Variants in CMTM4 observed in about 807,000 individuals in gnomAD.
CMTM4 encodes CKLF like MARVEL transmembrane domain containing 4, also known as CKLF-like MARVEL transmembrane domain-containing protein 4.
In CMTM4, 8 loss-of-function variants were observed where a neutral mutation model predicts 19.0. The ratio of observed to expected loss-of-function variants is 0.42; its 90% CI spans 0.25 to 0.76. CMTM4 has a LOEUF of 0.76. CMTM4 is among the 30% of genes least tolerant of loss of function. The pLI, the probability that CMTM4 is intolerant of heterozygous loss-of-function variation, is 0.27. For missense variants in CMTM4, 228 were observed against 290.2 expected (o/e 0.79, Z 1.56); for synonymous variants, 106 against 121.1 (o/e 0.88, Z 0.82).
intron 1 of CMTM4, among the ~76,000 whole-genome samples, chr16:66,675,788 A>T (rs2016799865): frequency 6.6e-6 from 1 of 152,142 alleles, no homozygotes; most frequent in South Asian, 2.1e-4. Context: ...CAGCCGTGCA[A>T]ATTATTTACA....
chr16:66,688,823 G>T (rs1237976283), intron 1 of CMTM4, among the ~76,000 whole-genome samples: 1 of 152,136 alleles, frequency 6.6e-6, no homozygotes, highest in East Asian at 1.9e-4. Flanking sequence ...TCTTACTTCA[G>T]TGTTTTGTAG....
downstream of CMTM4, chr16:66,610,079 A>G: frequency 6.4e-7 from 1 of 1,573,566 alleles, no homozygotes. The surrounding 1 kb of genome is among the most constrained non-coding windows in gnomAD (Gnocchi z 4.6). Context: ...AGCTAGTTTG[A>G]GGCTGGGGTG....
chr16:66,603,902 A>C, the CMTM4 span: 6 of 152,296 alleles, frequency 3.9e-5, no homozygotes, highest in Admixed American at 3.3e-4. Flanking sequence ...GACAAGGACA[A>C]CCCGCAGGTC....
At chr16:66,684,839 TAAGTCAGCTGAC>T (rs2017004031) in intron 1 of CMTM4, among the ~76,000 whole-genome samples, 1 of 152,162 alleles carries the variant, frequency 6.6e-6, no homozygotes. Flanking sequence ...GGTCAAAGTT[TAAGTCAGCTGAC>T]AGGCCGAAGC....
chr16:66,688,675 C>CA (rs549159999), intron 1 of CMTM4, among the ~76,000 whole-genome samples: 84 of 152,188 alleles, frequency 5.5e-4, no homozygotes, highest in African/African-American at 1.8e-3. Context: ...CTTCTATCTA[C>CA]AAAAAAACCT....
chr16:66,605,052 C>A, the CMTM4 span: 3 of 1,087,490 alleles, frequency 2.8e-6, no homozygotes, highest in Non-Finnish European at 3.6e-6. The surrounding 1 kb of genome is among the most constrained non-coding windows in gnomAD (Gnocchi z 4.6). Context: ...GGCCGCCGTG[C>A]TCCGATACCC....
intron 1 of CMTM4, among the ~76,000 whole-genome samples, chr16:66,670,475 T>C (rs112556224): frequency 3.6e-4 from 52 of 144,796 alleles, no homozygotes; most frequent in African/African-American, 1.2e-3. Context: ...CACTTCTCTA[T>C]ACGTATATTG....
At position 66,623,898 on chromosome 16, in the gene CMTM4, T is replaced by G. The variant is rs191177755; in HGVS notation, c.364-396A>C. On this transcript the variant is annotated intron_variant, in intron 2 of 3. Coordinates refer to ENST00000394106, the MANE Select transcript of CMTM4 (RefSeq NM_181521.3). ...GAAATCCCTCCAGCATTCCCTGCACTCACATGTGACATTCAAAACAAACTT... is the reference window on the plus strand; with the variant it reads ...GAAATCCCTCCAGCATTCCCTGCACGCACATGTGACATTCAAAACAAACTT... Among the ~76,000 whole-genome samples the G allele has an allele frequency of 6.8e-4, 103 of 152,304 alleles. 1 individual carries two copies. The highest frequency in any genetic ancestry group is 2.2e-4 in the Non-Finnish European group (15 of 68,024).
chr16:66,681,340 C>A (rs8060820), intron 1 of CMTM4, among the ~76,000 whole-genome samples: 1 of 150,744 alleles, frequency 6.6e-6, no homozygotes, highest in Non-Finnish European at 1.5e-5. Context: ...TTTTTGAGAC[C>A]GAGTCTTGCT....
At chr16:66,691,003 G>C (rs573965842) in intron 1 of CMTM4, among the ~76,000 whole-genome samples, 1 of 152,220 alleles carries the variant, frequency 6.6e-6, no homozygotes, top group Admixed American at 6.5e-5. Flanking sequence ...TGTAGTCCTG[G>C]CTATTCAGGA....
rs565168791 is a variant in CMTM4 at position 66,620,616 on chromosome 16, G to A, written c.*1442C>T. 40 of 985,496 alleles carry A rather than the reference G, an allele frequency of 4.1e-5. No homozygotes were observed. In the South Asian group the frequency reaches 8.5e-4, roughly 21 times the overall value. The allele number at this position is 985,496 out of a possible 1,614,324, so 61.0% of individuals were successfully genotyped here. ...CTCGGAGTTATTTATTACACAGTAC[G>A]CTGCTAAAGCTGTCAACATTTGTCA... is the stretch of plus-strand genomic sequence containing the variant. On this transcript the variant is annotated 3_prime_UTR_variant, in exon 4 of 4. Coordinates refer to ENST00000394106, the MANE Select transcript of CMTM4 (RefSeq NM_181521.3).
chr16:66,619,117 C>G lies in CMTM4; in HGVS notation c.*2941G>C, dbSNP rs2015581222. On this transcript the variant is annotated 3_prime_UTR_variant, in exon 4 of 4. Coordinates refer to ENST00000394106, the MANE Select transcript of CMTM4 (RefSeq NM_181521.3). ...TCTTCCCAGCTTTATGTGGGGCCAA[C>G]AAGTATCTCCAGCCTTTCATGACTG... 1.0e-6 allele frequency: 1 copy of G among 985,470 alleles called. No homozygotes were observed. 61.0% of individuals were successfully genotyped at this position (985,470 alleles called of 1,614,324 possible).
chr16:66,609,681 C>A, the CMTM4 span: 1 of 1,538,824 alleles, frequency 6.5e-7, no homozygotes, highest in Non-Finnish European at 8.8e-7. This position sits in a 1 kb window ranked among gnomAD's most constrained non-coding sequence, Gnocchi z 4.4. Flanking sequence ...TCATTAAAGA[C>A]TGACTCTACC....
At chr16:66,629,383 G>A (rs1185646343) in intron 2 of CMTM4, among the ~76,000 whole-genome samples, 2 of 152,188 alleles carry the variant, frequency 1.3e-5, no homozygotes, top group Non-Finnish European at 2.9e-5. Context: ...CATCTATGGA[G>A]TCACTGTGCC....
chr16:66,630,315 C>A (rs1341442440), intron 2 of CMTM4, among the ~76,000 whole-genome samples: 3 of 98,662 alleles, frequency 3.0e-5, no homozygotes, highest in Non-Finnish European at 6.2e-5. Context: ...CCTCACCCTC[C>A]CCCTCCCCCC....
chr16:66,655,977 C>A (rs1019136599), intron 1 of CMTM4, among the ~76,000 whole-genome samples: 1 of 152,052 alleles, frequency 6.6e-6, no homozygotes, highest in African/African-American at 2.4e-5. Context: ...TGGTAGCCCA[C>A]GCCTATGGTC....
intron 2 of CMTM4, among the ~76,000 whole-genome samples, chr16:66,630,572 G>A (rs536939528): frequency 1.2e-3 from 177 of 151,998 alleles, no homozygotes; most frequent in African/African-American, 4.1e-3. Flanking sequence ...GCTCCTAACC[G>A]CGAGTGATCC....
the CMTM4 span, among the ~76,000 whole-genome samples, chr16:66,606,493 G>A: frequency 1.3e-5 from 2 of 151,608 alleles, no homozygotes; most frequent in Non-Finnish European, 2.9e-5. Context: ...CAGAGCAAAT[G>A]GGGGTGCTCT....
chr16:66,621,351 G>T lies in CMTM4; in HGVS notation c.*707C>A. 5 of 985,786 alleles carry T rather than the reference G, an allele frequency of 5.1e-6. No individual in the cohort carries two copies. The highest frequency in any genetic ancestry group is 4.8e-6 in the Non-Finnish European group (4 of 829,946). The allele number at this position is 985,786 out of a possible 1,614,324, so 61.1% of individuals were successfully genotyped here. A position where few individuals can be genotyped will look rare whatever the true frequency, so the allele number is the denominator to read the frequency against. On this transcript the variant is annotated 3_prime_UTR_variant, in exon 4 of 4. Coordinates refer to ENST00000394106, the MANE Select transcript of CMTM4 (RefSeq NM_181521.3). ...AAGTATTTAGGGTAGGCAGGAAACTGGAAAACAAGATAGTCCCCATAACAA... is the reference window on the plus strand; with the variant it reads ...AAGTATTTAGGGTAGGCAGGAAACTTGAAAACAAGATAGTCCCCATAACAA...
Sources: gnomAD v4.1 joint callset for allele counts (sites outside exome capture counted in the v4.1 genomes callset) on GRCh38, gnomAD v4.1.1 for gene constraint, Gnocchi (gnomAD v3.1) non-coding constraint, MANE v1.5 for transcripts, NCBI Gene and HGNC (gene_info 2026-07-23, HGNC 2026-07-21) for gene names.